Variants in ANK3 observed in about 807,000 individuals in gnomAD.
ANK3 encodes the protein ankyrin-3.
ANK3 carries 57 observed loss-of-function variants against 370.9 expected under a neutral mutation model. The ratio of observed to expected loss-of-function variants is 0.15; its 90% CI spans 0.12 to 0.19. The LOEUF (loss-of-function observed/expected upper bound fraction) is 0.19. Ranked by LOEUF, ANK3 falls within the 10% of genes least tolerant of loss-of-function variation. The pLI is 1.00. For missense variants in ANK3, 4,439 were observed against 5,302.1 expected, an observed-to-expected ratio of 0.84 and a Z score of 5.06; for synonymous variants, 1,929 against 1,946.3, an observed-to-expected ratio of 0.99 and a Z score of 0.23.
At chr10:60,594,728 T>A (rs2077963638) in intron 2 of ANK3, among the ~76,000 whole-genome samples, 1 of 152,310 alleles carries the variant, frequency 6.6e-6, no homozygotes, top group South Asian at 2.1e-4. Context: ...AAAATTTACA[T>A]TCATAGTAAT....
chr10:60,090,874 A>AAATTTG (rs1197873372), intron 28 of ANK3, among the ~76,000 whole-genome samples: 4 of 152,208 alleles, frequency 2.6e-5, no homozygotes, highest in Non-Finnish European at 5.9e-5. Flanking sequence ...TTCAAATTGA[A>AAATTTG]AATGCACCTA....
At chr10:60,351,722 G>C (rs1186126670) in intron 1 of ANK3, among the ~76,000 whole-genome samples, 1 of 152,152 alleles carries the variant, frequency 6.6e-6, no homozygotes, top group African/African-American at 2.4e-5. Context: ...ACAAGTCACA[G>C]GGAATTTAAT....
At chr10:60,685,182 G>A (rs2079251333) in intron 1 of ANK3, 2 of 457,656 alleles carry the variant, frequency 4.4e-6, no homozygotes, top group Non-Finnish European at 8.1e-6. Flanking sequence ...CCTCCTGGAT[G>A]CTATTAAAGC....
chr10:60,657,700 G>A (rs761720033), intron 1 of ANK3, among the ~76,000 whole-genome samples: 8 of 152,044 alleles, frequency 5.3e-5, no homozygotes, highest in African/African-American at 1.9e-4. Context: ...CTGTAGTTGT[G>A]TGTCGTGTGG....
At chr10:60,683,956 T>C (rs1018928710) in intron 1 of ANK3, among the ~76,000 whole-genome samples, 2 of 152,204 alleles carry the variant, frequency 1.3e-5, no homozygotes, top group Non-Finnish European at 2.9e-5. Context: ...ATAATCTTAC[T>C]CTTTAAAACT....
chr10:60,032,311 A>T (rs1589007276), intron 43 of ANK3, among the ~76,000 whole-genome samples: 1 of 148,060 alleles, frequency 6.8e-6, no homozygotes, highest in East Asian at 2.0e-4. Flanking sequence ...GGTTCAAGCA[A>T]TTCTCCTGTC....
Position 60,186,716 on chromosome 10 carries a change from T to C in ANK3, c.2084A>G (p.Lys695Arg). 6.2e-7 allele frequency: 1 copy of C among 1,613,904 alleles called. No individual in the cohort carries two copies. Among genetic ancestry groups the C allele is most frequent in the African/African-American group, 1.3e-5 (1 of 75,050 alleles). ...GRNANVNLSN[K>R]SGLTPLHLAA... Reference sequence around the variant, plus strand: ...TTTGTCAAGAAAGAAGTGGGTTACCTTATTGCTCAGGTTCACATTCGCATT... The same window carrying C: ...TTTGTCAAGAAAGAAGTGGGTTACCCTATTGCTCAGGTTCACATTCGCATT... The change falls in exon 17 of 44, where the codon AAG (lysine) becomes AGG (arginine). Residue 695 changes from lysine to arginine, a missense_variant and splice_region_variant. By Grantham distance (26) the Lys-to-Arg change is conservative (BLOSUM62 2). This residue lies in a region of ANK3 where 192 missense variants were observed against 192.1 expected (regional missense o/e 1.00). Transcript: ENST00000280772.
intron 2 of ANK3, among the ~76,000 whole-genome samples, chr10:60,507,230 G>C (rs2075963986): frequency 6.6e-6 from 1 of 151,952 alleles, no homozygotes; most frequent in African/African-American, 2.4e-5. Context: ...TGCTTTGGTG[G>C]GGGGTATATA....
At chr10:60,053,148 G>C (rs888949360) in intron 42 of ANK3, among the ~76,000 whole-genome samples, 3 of 152,160 alleles carry the variant, frequency 2.0e-5, no homozygotes, top group Admixed American at 2.0e-4. Context: ...AGGAGACTTA[G>C]AATGATTTAA....
intron 43 of ANK3, among the ~76,000 whole-genome samples, chr10:60,034,061 G>T (rs1220179920): frequency 1.4e-5 from 2 of 148,082 alleles, no homozygotes; most frequent in Non-Finnish European, 3.0e-5. Context: ...GTAGGTCAGT[G>T]TGTCTGAAAT....
intron 43 of ANK3, among the ~76,000 whole-genome samples, chr10:60,040,896 T>A (rs1156264734): frequency 6.6e-6 from 1 of 152,206 alleles, no homozygotes; most frequent in Admixed American, 6.5e-5. Context: ...TAGAATTGCA[T>A]AAATAGACGA....
intron 2 of ANK3, among the ~76,000 whole-genome samples, chr10:60,571,523 G>A (rs2077599379): frequency 6.6e-6 from 1 of 152,066 alleles, no homozygotes; most frequent in Non-Finnish European, 1.5e-5. Flanking sequence ...TTATATATGA[G>A]TCCTAGTAAT....
At chr10:60,411,492 G>C (rs971556874) in intron 2 of ANK3, among the ~76,000 whole-genome samples, 2 of 152,208 alleles carry the variant, frequency 1.3e-5, no homozygotes, top group Non-Finnish European at 2.9e-5. Flanking sequence ...GGTCTGGGGA[G>C]AAGGGAGCAT....
rs374513628 is a variant in ANK3, at chr10:60,545,704, G to A, written c.96+69482C>T. ...CTAGATCTGACTCACAAGGTCAAAA[G>A]ATCAGGATAGACATACAGAGGGCAC... is the stretch of plus-strand genomic sequence containing the variant. On this transcript the variant is annotated intron_variant, in intron 2 of 43. Transcript: ENST00000373827. Among the ~76,000 whole-genome samples the A allele has an allele frequency of 4.1e-4, 63 of 152,190 alleles. 1 individual carries two copies. Among genetic ancestry groups the A allele is most frequent in the South Asian group, 3.9e-3 (19 of 4,820 alleles).
In ANK3 at chr10:60,063,234, A is replaced by G; in HGVS notation, c.12472T>C (p.Leu4158=). The stretch of plus-strand genomic sequence containing the variant: ...ATATCTATTCGATTAATTTTTGTCA[A>G]GACCGAAGTTAAGGCATCAGCTGAA... ...NATTDALTSV[L]TKINRIDIVT... is the part of the protein sequence containing the mutation. The change falls in exon 40 of 44, where the codon TTG becomes CTG. Residue 4158 remains leucine (L), a synonymous_variant. Coordinates refer to ENST00000280772, the MANE Select transcript of ANK3 (RefSeq NM_020987.5). 1 of 1,607,822 alleles carries G rather than the reference A, an allele frequency of 6.2e-7. No individual in the cohort carries two copies. Among genetic ancestry groups the G allele is most frequent in the Non-Finnish European group, 8.5e-7 (1 of 1,178,084 alleles).
rs2097302963 is a variant in ANK3 at position 60,234,799 on chromosome 10, G to C, written c.799-13C>G. The C allele has an allele frequency of 6.4e-7, 1 of 1,562,848 alleles. No homozygotes were observed. Among genetic ancestry groups the C allele is most frequent in the South Asian group, 1.1e-5 (1 of 89,646 alleles). On this transcript the variant is annotated splice_polypyrimidine_tract_variant and intron_variant, in intron 7 of 43. Transcript: ENST00000280772. ...GAGTGATGTCATTCTGGGAAGAAGA[G>C]GAAAAAGTACAGATTTGATATTTTT...
chr10:60,159,560 A>G (rs2095440909), intron 23 of ANK3, among the ~76,000 whole-genome samples: 1 of 152,196 alleles, frequency 6.6e-6, no homozygotes, highest in African/African-American at 2.4e-5. Context: ...ACCATAGACC[A>G]AATGACCCTA....
intron 1 of ANK3, among the ~76,000 whole-genome samples, chr10:60,714,717 C>T (rs1030139133): frequency 2.0e-5 from 3 of 152,270 alleles, no homozygotes; most frequent in Non-Finnish European, 2.9e-5. Context: ...AGGAGAACTT[C>T]CTCAACTTGA....
intron 1 of ANK3, among the ~76,000 whole-genome samples, chr10:60,363,374 C>T (rs574412119): frequency 2.0e-5 from 3 of 152,276 alleles, no homozygotes; most frequent in South Asian, 2.1e-4. Context: ...GTTAGTCAGA[C>T]GCACTGCTAT....
Sources: allele counts gnomAD v4.1 joint callset (sites outside exome capture counted in the v4.1 genomes callset), GRCh38; gene constraint gnomAD v4.1.1; regional missense constraint gnomAD v4.1.1; transcripts MANE v1.5; gene names NCBI Gene and HGNC (gene_info 2026-07-23, HGNC 2026-07-21).